Variants in ZNF398 observed in about 807,000 individuals in gnomAD.
The protein encoded by ZNF398 is zinc finger DNA binding protein ZER6.
ZNF398 carries 18 observed loss-of-function variants against 41.9 expected under a neutral mutation model. That is an observed-to-expected ratio of 0.43 (90% CI 0.30 to 0.64). The LOEUF (loss-of-function observed/expected upper bound fraction) is 0.64. ZNF398 is among the 30% of genes least tolerant of loss of function. ZNF398 has a pLI of 0.14. For synonymous variants in ZNF398, 260 were observed against 308.8 expected, an observed-to-expected ratio of 0.84 and a Z score of 1.66; for missense variants, 669 against 822.8, an observed-to-expected ratio of 0.81 and a Z score of 2.29.
chr7:149,143,828 C>G (rs1826878553), upstream of ZNF398, among the ~76,000 whole-genome samples: 1 of 151,976 alleles, frequency 6.6e-6, no homozygotes, highest in Non-Finnish European at 1.5e-5. Flanking sequence ...AACAAACAAA[C>G]AACCCCCCAA....
In ZNF398 at chr7:149,179,581, C is replaced by T. The variant is rs1434659964; in HGVS notation, c.1709C>T (p.Ser570Phe). 3 of 1,614,240 alleles carry T rather than the reference C, an allele frequency of 1.9e-6. No homozygotes were observed. Among genetic ancestry groups the T allele is most frequent in the Non-Finnish European group, 2.5e-6 (3 of 1,180,042 alleles). ...ACCGGGGAGCGGCCCTACCCCTGCT[C>T]CTACTGTGGCAGGAGCTTCCGCTAC... Reference protein sequence around the residue: ...IHTGERPYPCSYCGRSFRYKQ... With the variant: ...IHTGERPYPCFYCGRSFRYKQ... The change falls in exon 6 of 6, where the codon TCC (serine) becomes TTC (phenylalanine). Residue 570 changes from serine to phenylalanine, a missense_variant. Transcript: ENST00000475153. This position sits in a 1 kb window ranked among gnomAD's most constrained non-coding sequence, Gnocchi z 6.1.
At chr7:149,164,130 G>A (rs1029289444) in intron 2 of ZNF398, among the ~76,000 whole-genome samples, 52 of 146,922 alleles carry the variant, frequency 3.5e-4, no homozygotes, top group Non-Finnish European at 6.3e-4. Flanking sequence ...AAAGAGGGCC[G>A]GGCGCAGTGG....
At chr7:149,173,785 C>CTTTTTT (rs528703910) in intron 4 of ZNF398, among the ~76,000 whole-genome samples, 2 of 71,590 alleles carry the variant, frequency 2.8e-5, no homozygotes, top group Non-Finnish European at 5.3e-5. Context: ...TAGCATAATT[C>CTTTTTT]TTTTTTTTTT....
chr7:149,155,676 T>C (rs1243101896), intron 2 of ZNF398, among the ~76,000 whole-genome samples: 1 of 143,082 alleles, frequency 7.0e-6, no homozygotes, highest in Non-Finnish European at 1.5e-5. Context: ...AGAGGAATTA[T>C]ATTTGGTTAT....
intron 1 of ZNF398, chr7:149,148,430 A>G: frequency 1.0e-6 from 1 of 985,526 alleles, no homozygotes; most frequent in Non-Finnish European, 1.2e-6. Flanking sequence ...TAGAATGAGA[A>G]GGGGACGGTC....
chr7:149,133,545 C>T (rs569200054), intron 2 of ZNF398, among the ~76,000 whole-genome samples: 1 of 151,454 alleles, frequency 6.6e-6, no homozygotes, highest in East Asian at 2.0e-4. Context: ...GAAGTTGCTA[C>T]AGTTCAAAGG....
rs780321918 is a variant in ZNF398, at chr7:149,179,194, G to A, written c.1322G>A (p.Arg441Gln). The change falls in exon 6 of 6, where the codon CGA (arginine) becomes CAA (glutamine). Residue 441 changes from arginine to glutamine, a missense_variant. Arg to Gln is a conservative substitution (Grantham distance 43, BLOSUM62 1). Coordinates refer to ENST00000475153, the MANE Select transcript of ZNF398 (RefSeq NM_170686.3). This position sits in a 1 kb window ranked among gnomAD's most constrained non-coding sequence, Gnocchi z 6.1. ...CCCAAGCGCTTTGCTGACCAGGCTCGACTCACCAGCCACCGGAGAGCTCAT... is the reference window on the plus strand; with the variant it reads ...CCCAAGCGCTTTGCTGACCAGGCTCAACTCACCAGCCACCGGAGAGCTCAT... ...DCPKRFADQA[R>Q]LTSHRRAHAS... 2.9e-5 allele frequency: 46 copies of A among 1,613,170 alleles called. No homozygotes were observed. In the East Asian group the frequency reaches 6.5e-4, roughly 23 times the overall value.
Position 149,178,851 on chromosome 7 carries a change from A to C in ZNF398, c.979A>C (p.Thr327Pro). ...PEASEGQVTFTQLGSYPLPPP... is the reference protein window; with the variant it reads ...PEASEGQVTFPQLGSYPLPPP... ...AGCCTCTGAGGGACAAGTGACTTTT[A>C]CTCAGTTGGGTAGCTATCCCCTCCC... Residue 327 changes from threonine to proline, a missense_variant, in exon 6 of 6, where the codon ACT becomes CCT. Coordinates refer to ENST00000475153, the MANE Select transcript of ZNF398 (RefSeq NM_170686.3). The C allele has an allele frequency of 4.3e-6, 7 of 1,614,028 alleles. No homozygotes were observed. The highest frequency in any genetic ancestry group is 5.9e-6 in the Non-Finnish European group (7 of 1,179,986).
rs759435030 is a variant in ZNF398, at chr7:149,176,613, C to T, written c.775+32C>T. 7.0e-6 allele frequency: 10 copies of T among 1,430,976 alleles called. No individual in the cohort carries two copies. In the South Asian group the frequency reaches 1.1e-4, roughly 16 times the overall value. 88.6% of individuals were successfully genotyped at this position (1,430,976 alleles called of 1,614,324 possible). On this transcript the variant is annotated intron_variant, in intron 5 of 5. Coordinates refer to ENST00000475153, the MANE Select transcript of ZNF398 (RefSeq NM_170686.3). ...ATGAAATTAAAGAGGTGTTCATGTC[C>T]ATATCCAGCTCATGCCAGGACTGAC...
chr7:149,154,989 A>T (rs1309647834), intron 2 of ZNF398, among the ~76,000 whole-genome samples: 2,771 of 25,652 alleles, frequency 0.11, 99 homozygotes, highest in African/African-American at 0.18. Context: ...AACTCCTTCT[A>T]AAAAAAAAAA....
intron 1 of ZNF398, among the ~76,000 whole-genome samples, chr7:149,152,266 T>TC (rs1827136727): frequency 6.7e-6 from 1 of 149,358 alleles, no homozygotes; most frequent in Admixed American, 6.7e-5. Flanking sequence ...AAGATTTCTT[T>TC]TTTTTTTTTT....
Position 149,182,391 on chromosome 7 carries a change from A to G in ZNF398, c.*2590A>G, listed in dbSNP as rs769155815. 1 of 152,248 alleles carries G rather than the reference A, an allele frequency of 6.6e-6. No individual in the cohort carries two copies. The highest frequency in any genetic ancestry group is 2.4e-5 in the African/African-American group (1 of 41,462). The allele number at this position is 152,248 out of a possible 1,614,324, so 9.4% of individuals were successfully genotyped here. A position where few individuals can be genotyped will look rare whatever the true frequency, so the allele number is the denominator to read the frequency against. On this transcript the variant is annotated 3_prime_UTR_variant, in exon 6 of 6. Transcript: ENST00000475153. ...TCAGTTAGAACTGCAGGCCAGTTCC[A>G]AAGAGTGTTTGCTTAAGATTCAAAA...
chr7:149,151,269 G>T (rs968801813), intron 1 of ZNF398: 4 of 1,252,464 alleles, frequency 3.2e-6, no homozygotes, highest in Non-Finnish European at 3.1e-6. Flanking sequence ...CAAGGCCGGA[G>T]GTTAGCTGAG....
chr7:149,158,771 T>C (rs1795035878), intron 2 of ZNF398, among the ~76,000 whole-genome samples: 1 of 149,594 alleles, frequency 6.7e-6, no homozygotes, highest in Non-Finnish European at 1.5e-5. Flanking sequence ...GAGGCAGAGG[T>C]TGCAGTGAGC....
intron 2 of ZNF398, among the ~76,000 whole-genome samples, chr7:149,160,081 GCT>G (rs1234728620): frequency 8.0e-4 from 3 of 3,748 alleles, no homozygotes; most frequent in Non-Finnish European, 2.7e-3. Flanking sequence ...AGGATAATTA[GCT>G]GATTAGCATA....
At chr7:149,176,066 C>T (rs1795454913) in intron 4 of ZNF398, among the ~76,000 whole-genome samples, 1 of 152,122 alleles carries the variant, frequency 6.6e-6, no homozygotes, top group Non-Finnish European at 1.5e-5. Flanking sequence ...GGCGCGGTGG[C>T]TCAAGCCTGT....
At position 149,171,530 on chromosome 7, in the gene ZNF398, C is replaced by G. The variant is rs1238834745; in HGVS notation, c.661+4600C>G. Among the ~76,000 whole-genome samples the G allele has an allele frequency of 4.0e-5, 6 of 151,512 alleles. No individual in the cohort carries two copies. In the East Asian group the frequency reaches 9.8e-4, roughly 25 times the overall value. ...ATCACAGGCATGCTGCGCCCCCACG[C>G]CCGGCTAATTTTTGCATTTTTATTA... On this transcript the variant is annotated intron_variant, in intron 4 of 5. Transcript: ENST00000475153.
chr7:149,142,322 T>C (rs933822798), intron 2 of ZNF398, among the ~76,000 whole-genome samples: 3 of 152,126 alleles, frequency 2.0e-5, no homozygotes, highest in Non-Finnish European at 4.4e-5. Flanking sequence ...ATATACCAGA[T>C]ATATACTGTA....
chr7:149,165,947 A>G (rs1795218705), intron 2 of ZNF398, among the ~76,000 whole-genome samples: 1 of 152,246 alleles, frequency 6.6e-6, no homozygotes, highest in Non-Finnish European at 1.5e-5. Flanking sequence ...AGCTTTATTT[A>G]AGGGACTCGT....
Sources: allele counts gnomAD v4.1 joint callset (sites outside exome capture counted in the v4.1 genomes callset), GRCh38; gene constraint gnomAD v4.1.1; non-coding constraint Gnocchi (gnomAD v3.1); transcripts MANE v1.5; gene names NCBI Gene and HGNC (gene_info 2026-07-23, HGNC 2026-07-21).